Variants in DKK2 observed in about 807,000 individuals in gnomAD.
The protein encoded by DKK2 is dickkopf-related protein 2.
DKK2 carries 11 observed loss-of-function variants against 28.1 expected under a neutral mutation model. That is an observed-to-expected ratio of 0.39 (90% CI 0.25 to 0.65). DKK2 has a LOEUF of 0.65. DKK2 is among the 30% of genes least tolerant of loss of function. The pLI is 0.47. For missense variants in DKK2, 326 were observed against 335.5 expected (o/e 0.97, Z 0.22); for synonymous variants, 135 against 126.5 (o/e 1.07, Z -0.45).
intron 1 of DKK2, among the ~76,000 whole-genome samples, chr4:106,935,852 T>G (rs919183286): frequency 1.6e-4 from 24 of 151,814 alleles, no homozygotes; most frequent in Non-Finnish European, 1.6e-4. Context: ...CCCAGCAGGG[T>G]CACACTGACA....
At chr4:106,979,042 A>G (rs1722989337) in intron 1 of DKK2, among the ~76,000 whole-genome samples, 1 of 151,932 alleles carries the variant, frequency 6.6e-6, no homozygotes, top group Non-Finnish European at 1.5e-5. Flanking sequence ...AATCTTAAAT[A>G]AGGAAACATT....
At chr4:106,944,140 G>A (rs889697427) in intron 1 of DKK2, among the ~76,000 whole-genome samples, 1 of 152,028 alleles carries the variant, frequency 6.6e-6, no homozygotes, top group African/African-American at 2.4e-5. Context: ...GTACTAAGGA[G>A]ATCAGTTTCT....
chr4:106,999,161 T>C (rs577743326), intron 1 of DKK2, among the ~76,000 whole-genome samples: 97 of 152,320 alleles, frequency 6.4e-4, no homozygotes, highest in Non-Finnish European at 1.1e-3. Context: ...ATGCTAATTC[T>C]ATGCCTAACT....
chr4:106,991,320 A>G (rs1374223607), intron 1 of DKK2, among the ~76,000 whole-genome samples: 3 of 151,968 alleles, frequency 2.0e-5, no homozygotes, highest in African/African-American at 4.8e-5. Flanking sequence ...TCTTTCTTTT[A>G]GTTCCATCCC....
chr4:106,955,789 G>T (rs958473255), intron 1 of DKK2, among the ~76,000 whole-genome samples: 1 of 152,004 alleles, frequency 6.6e-6, no homozygotes, highest in Non-Finnish European at 1.5e-5. Context: ...ATAAAAAAAA[G>T]AAATCCAACA....
intron 1 of DKK2, among the ~76,000 whole-genome samples, chr4:106,939,514 A>G (rs934142025): frequency 6.6e-6 from 1 of 152,306 alleles, no homozygotes; most frequent in Middle Eastern, 3.4e-3. Flanking sequence ...AATCAATATC[A>G]TGAAAATGGC....
At chr4:107,011,712 T>TGTGTGTGTGTGTGTGTGTGGGG (rs1040184955) in intron 1 of DKK2, among the ~76,000 whole-genome samples, 2 of 151,262 alleles carry the variant, frequency 1.3e-5, no homozygotes, top group African/African-American at 4.8e-5. Context: ...TGTGTGTGTG[T>TGTGTGTGTGTGTGTGTGTGGGG]GGGTGTGTAT....
At chr4:106,924,512 T>TA (rs759652252) in intron 3 of DKK2, 33 bp downstream of exon 3, 1 of 1,585,978 alleles carries the variant, frequency 6.3e-7, no homozygotes, top group South Asian at 1.2e-5. Context: ...TTTCTTTATT[T>TA]TAAAAAAACC....
chr4:107,001,090 G>GA (rs1723353428), intron 1 of DKK2, among the ~76,000 whole-genome samples: 2 of 151,814 alleles, frequency 1.3e-5, no homozygotes, highest in South Asian at 2.1e-4. Context: ...CCAAAAGGGG[G>GA]AAAAAACTCT....
In DKK2 at chr4:106,993,011, C is replaced by A. The variant is rs1025289614; in HGVS notation, c.222+42359G>T. Among the ~76,000 whole-genome samples, 11 of 152,292 alleles carry A rather than the reference C, an allele frequency of 7.2e-5. 1 individual carries two copies. The highest frequency in any genetic ancestry group is 5.9e-4 in the Admixed American group (9 of 15,288). ...ATTCCATATGGATACTGCAAAGAAC[C>A]AGCATGGACCTCTCTATGAGTTCAT... is the stretch of plus-strand genomic sequence containing the variant. On this transcript the variant is annotated intron_variant, in intron 1 of 3. Transcript: ENST00000285311.
At chr4:106,989,367 G>C (rs1047010904) in intron 1 of DKK2, among the ~76,000 whole-genome samples, 2 of 152,098 alleles carry the variant, frequency 1.3e-5, no homozygotes, top group African/African-American at 2.4e-5. Context: ...TGTGTGACTT[G>C]AACAAGTAAT....
intron 1 of DKK2, among the ~76,000 whole-genome samples, chr4:106,948,488 T>C (rs1032590629): frequency 6.6e-6 from 1 of 152,200 alleles, no homozygotes; most frequent in Admixed American, 6.6e-5. Flanking sequence ...TAGGGGGTAC[T>C]TGCTTTCTGT....
intron 1 of DKK2, among the ~76,000 whole-genome samples, chr4:107,019,431 C>T (rs17037228): frequency 0.27 from 40,837 of 151,622 alleles, 5,788 homozygotes; most frequent in East Asian, 0.54. Flanking sequence ...CTGAGTACTC[C>T]GCACATAACA....
At chr4:106,969,864 G>A (rs17509845) in intron 1 of DKK2, among the ~76,000 whole-genome samples, 4,090 of 152,084 alleles carry the variant, frequency 0.027, 77 homozygotes, top group Non-Finnish European at 0.041. Context: ...CCTTCCTCTC[G>A]GGTCAAATCT....
At chr4:106,996,650 A>T (rs1723275967) in intron 1 of DKK2, among the ~76,000 whole-genome samples, 1 of 152,160 alleles carries the variant, frequency 6.6e-6, no homozygotes, top group Admixed American at 6.5e-5. Context: ...TTGCTAGTCT[A>T]CAAACTAGCA....
chr4:107,002,916 T>C lies in DKK2; in HGVS notation c.222+32454A>G, dbSNP rs867830099. On this transcript the variant is annotated intron_variant, in intron 1 of 3. Transcript: ENST00000285311. ...CCATCTCTTAGCATTGTTGTGGTGA[T>C]TAAATTAGATAACATAAAAAATCCT... Among the ~76,000 whole-genome samples, 8 of 152,306 alleles carry C rather than the reference T, an allele frequency of 5.3e-5. No homozygotes were observed. The South Asian group carries it at 1.7e-3, about 32-fold the overall frequency.
At chr4:106,989,436 A>G (rs1207161406) in intron 1 of DKK2, among the ~76,000 whole-genome samples, 1 of 152,158 alleles carries the variant, frequency 6.6e-6, no homozygotes, top group African/African-American at 2.4e-5. Context: ...CATTTCTATC[A>G]TTTGAGGTTA....
intron 1 of DKK2, among the ~76,000 whole-genome samples, chr4:106,957,508 G>A (rs1402668474): frequency 6.6e-6 from 1 of 151,914 alleles, no homozygotes; most frequent in Non-Finnish European, 1.5e-5. Context: ...CAACCCAAAT[G>A]TCCAACAATG....
intron 1 of DKK2, among the ~76,000 whole-genome samples, chr4:106,979,077 G>GTTTTT (rs374755061): frequency 6.7e-6 from 1 of 149,094 alleles, no homozygotes; most frequent in African/African-American, 2.5e-5. Context: ...TTTTGTTTTT[G>GTTTTT]TTTTTTTTTC....
Sources: gnomAD v4.1 joint callset for allele counts (sites outside exome capture counted in the v4.1 genomes callset) on GRCh38, gnomAD v4.1.1 for gene constraint, MANE v1.5 for transcripts, NCBI Gene and HGNC (gene_info 2026-07-23, HGNC 2026-07-21) for gene names.